The following RLF variants were observed in gnomAD, a reference collection of about 807,000 sequenced individuals.
RLF encodes RLF zinc finger.
In RLF, 7 loss-of-function variants were observed where a neutral mutation model predicts 162.9. The observed-to-expected ratio is 0.04, with a 90% CI of 0.02 to 0.08. The LOEUF (loss-of-function observed/expected upper bound fraction) is 0.08. Among genes scored for constraint, RLF ranks in the 10% least tolerant of loss-of-function variants. The probability of loss-of-function intolerance (pLI) is 1.00; values close to 1 mark genes in which losing one functional copy is unlikely to be tolerated. For missense variants in RLF, 1,664 were observed against 2,244.7 expected (o/e 0.74, Z 5.23); for synonymous variants, 782 against 791.5 (o/e 0.99, Z 0.20).
chr1:40,225,835 C>T (rs556645092), intron 6 of RLF, among the ~76,000 whole-genome samples: 3 of 138,378 alleles, frequency 2.2e-5, no homozygotes, highest in South Asian at 2.4e-4. Flanking sequence ...CGAGATCGGG[C>T]GCCATTGCAC....
Position 40,240,249 on chromosome 1 carries a change from T to C in RLF, c.5547T>C (p.Ala1849=). ...NLTAIPPLIV[A]ETTTVPSLEN... ...CTGCAATCCCACCTTTAATAGTAGC[T>C]GAAACAACAACAGTTCCTTCCTTGG... Residue 1849 remains alanine (A), a synonymous_variant, in exon 8 of 8, where the codon GCT becomes GCC. Transcript: ENST00000372771. 1 of 1,614,184 alleles carries C rather than the reference T, an allele frequency of 6.2e-7. No individual in the cohort carries two copies. Among genetic ancestry groups the C allele is most frequent in the African/African-American group, 1.3e-5 (1 of 75,046 alleles).
At chr1:40,229,543 C>T (rs1643126848) in intron 6 of RLF, among the ~76,000 whole-genome samples, 1 of 149,618 alleles carries the variant, frequency 6.7e-6, no homozygotes, top group South Asian at 2.1e-4. Context: ...CAACCTCCAC[C>T]TCCCGGGTTC....
intron 5 of RLF, among the ~76,000 whole-genome samples, chr1:40,203,625 A>G (rs1227184788): frequency 3.3e-5 from 5 of 151,744 alleles, no homozygotes; most frequent in South Asian, 2.1e-4. Context: ...TTAAATTTGG[A>G]GTTAGACTTC....
rs556091754 is a variant in RLF at position 40,190,438 on chromosome 1, A to G, written c.393-334A>G. On this transcript the variant is annotated intron_variant, in intron 2 of 7. Transcript: ENST00000372771. Reference sequence around the variant, plus strand: ...TGAATTGACAGTAGTATGAGCTCCCATTTTTGTCTACTGGAATTAGAATTG... The same window carrying G: ...TGAATTGACAGTAGTATGAGCTCCCGTTTTTGTCTACTGGAATTAGAATTG... Among the ~76,000 whole-genome samples the G allele has an allele frequency of 3.7e-4, 57 of 152,272 alleles. 1 individual carries two copies. Among genetic ancestry groups the G allele is most frequent in the South Asian group, 4.1e-4 (2 of 4,824 alleles).
In RLF at chr1:40,239,800, T is replaced by G; in HGVS notation, c.5098T>G (p.Ser1700Ala). The G allele has an allele frequency of 6.2e-7, 1 of 1,613,994 alleles. No individual in the cohort carries two copies. Among genetic ancestry groups the G allele is most frequent in the South Asian group, 1.1e-5 (1 of 91,086 alleles). ...TCCTCCTCCTTGTAAAATAGAAAAT[T>G]CCATACCTAATCCCAATGGGACTGA... ...QPPPPCKIEN[S>A]IPNPNGTESG... Residue 1700 changes from serine (S) to alanine (A), a missense_variant, in exon 8 of 8, where the codon TCC (serine) becomes GCC (alanine). By Grantham distance (99) the Ser-to-Ala change is moderately conservative. Transcript: ENST00000372771.
In RLF at chr1:40,239,777, C is replaced by T; in HGVS notation, c.5075C>T (p.Pro1692Leu). ...GAACAGTGTAATATAGTTCAGCCTC[C>T]TCCTCCTTGTAAAATAGAAAATTCC... ...SLEQCNIVQPPPPCKIENSIP... is the reference protein window; with the variant it reads ...SLEQCNIVQPLPPCKIENSIP... The change falls in exon 8 of 8, where the codon CCT becomes CTT. Residue 1692 changes from proline to leucine, a missense_variant. Physicochemically the swap from Pro to Leu is moderately conservative, Grantham distance 98 (BLOSUM62 -3). Coordinates refer to ENST00000372771, the MANE Select transcript of RLF (RefSeq NM_012421.4). The T allele has an allele frequency of 6.2e-7, 1 of 1,614,148 alleles. No homozygotes were observed. The highest frequency in any genetic ancestry group is 2.2e-5 in the East Asian group (1 of 44,880).
rs748545893 is a variant in RLF, at chr1:40,239,122, G to T, written c.4420G>T (p.Asp1474Tyr). 1.2e-6 allele frequency: 2 copies of T among 1,614,096 alleles called. No homozygotes were observed. Among genetic ancestry groups the T allele is most frequent in the Middle Eastern group, 1.6e-4 (1 of 6,062 alleles). ...ATATTACCGACATAAAGACTATTAT[G>T]ATGATTTGTTTAGAAGCCAGAAAGT... ...HVYYRHKDYY[D>Y]DLFRSQKVAN... Residue 1474 changes from aspartate to tyrosine, a missense_variant, in exon 8 of 8, where the codon GAT becomes TAT. This residue lies in a region of RLF where 200 missense variants were observed against 207.3 expected (regional missense o/e 0.96). Transcript: ENST00000372771.
At chr1:40,227,099 A>G (rs1460708574) in intron 6 of RLF, among the ~76,000 whole-genome samples, 1 of 152,196 alleles carries the variant, frequency 6.6e-6, no homozygotes, top group East Asian at 1.9e-4. Flanking sequence ...TCCTGACCTC[A>G]GGTGAGCCAC....
chr1:40,177,276 G>A (rs1642340116), intron 1 of RLF, among the ~76,000 whole-genome samples: 1 of 151,612 alleles, frequency 6.6e-6, no homozygotes, highest in African/African-American at 2.4e-5. Context: ...GGCCTTAACA[G>A]TGTATTTCTT....
intron 5 of RLF, among the ~76,000 whole-genome samples, chr1:40,207,945 A>G (rs1387122374): frequency 2.0e-5 from 3 of 152,170 alleles, no homozygotes; most frequent in Non-Finnish European, 4.4e-5. Context: ...TATATCTAAG[A>G]TACTTCCCAG....
intron 4 of RLF, among the ~76,000 whole-genome samples, chr1:40,200,836 G>A (rs1014286513): frequency 1.4e-5 from 2 of 140,400 alleles, no homozygotes; most frequent in Non-Finnish European, 3.0e-5. Context: ...TTGGGCCAGT[G>A]GTTTATCCTT....
chr1:40,230,080 C>T (rs1038311268), intron 6 of RLF, among the ~76,000 whole-genome samples: 1 of 151,088 alleles, frequency 6.6e-6, no homozygotes, highest in Non-Finnish European at 1.5e-5. Context: ...TGCCATTGCA[C>T]TCCAGCCTGG....
intron 1 of RLF, among the ~76,000 whole-genome samples, chr1:40,184,974 C>T (rs1642454537): frequency 6.6e-6 from 1 of 152,140 alleles, no homozygotes; most frequent in Admixed American, 6.5e-5. Context: ...CAGTGGCTCA[C>T]ACCTGTAATC....
intron 1 of RLF, among the ~76,000 whole-genome samples, chr1:40,168,112 G>A (rs1475313068): frequency 1.3e-5 from 2 of 152,054 alleles, no homozygotes; most frequent in African/African-American, 4.8e-5. Context: ...CTACTCAGGA[G>A]GCTGAGGCAG....
intron 1 of RLF, among the ~76,000 whole-genome samples, chr1:40,187,212 T>C (rs1390610230): frequency 6.6e-6 from 1 of 152,112 alleles, no homozygotes; most frequent in Non-Finnish European, 1.5e-5. Flanking sequence ...ATTTGTATTT[T>C]TAGAGACGGG....
intron 3 of RLF, among the ~76,000 whole-genome samples, chr1:40,192,558 A>G (rs1642573990): frequency 6.6e-6 from 1 of 152,100 alleles, no homozygotes; most frequent in African/African-American, 2.4e-5. Flanking sequence ...ATATTTCTTT[A>G]TTATTTTCTT....
chr1:40,227,374 TGAA>T (rs1049102192), intron 6 of RLF, among the ~76,000 whole-genome samples: 2 of 152,154 alleles, frequency 1.3e-5, no homozygotes, highest in Non-Finnish European at 2.9e-5. Context: ...TTGTAGTAAT[TGAA>T]GAAGAACTTA....
intron 5 of RLF, among the ~76,000 whole-genome samples, chr1:40,221,806 A>G (rs1236418107): frequency 6.7e-6 from 1 of 149,770 alleles, no homozygotes; most frequent in East Asian, 2.0e-4. Flanking sequence ...AGGCTGAGGC[A>G]GGAGAATGGC....
intron 5 of RLF, among the ~76,000 whole-genome samples, chr1:40,209,291 CA>C (rs1403862377): frequency 6.6e-6 from 1 of 152,128 alleles, no homozygotes. Flanking sequence ...CAGCCTTGGC[CA>C]GGTAGCTTTA....
Sources: allele counts gnomAD v4.1 joint callset (sites outside exome capture counted in the v4.1 genomes callset), GRCh38; gene constraint gnomAD v4.1.1; regional missense constraint gnomAD v4.1.1; transcripts MANE v1.5; gene names NCBI Gene and HGNC (gene_info 2026-07-23, HGNC 2026-07-21).